ALS2: variants seen among roughly 807,000 people sequenced by gnomAD.
The protein encoded by ALS2 is alsin Rho guanine nucleotide exchange factor ALS2, also known as alsin.
ALS2 carries 117 observed loss-of-function variants against 203.4 expected under a neutral mutation model. That is an observed-to-expected ratio of 0.58 (90% confidence interval 0.50 to 0.67). ALS2 has a LOEUF of 0.67. Ranked by LOEUF, ALS2 falls within the 30% of genes least tolerant of loss-of-function variation. The pLI is 0.00. For missense variants in ALS2, 1,715 were observed against 1,989.4 expected (o/e 0.86, Z 2.62); for synonymous variants, 718 against 725.9 (o/e 0.99, Z 0.17).
At chr2:201,711,212 C>CT in intron 25 of ALS2, 104 bp from the exon 26 acceptor site, 2 of 780,678 alleles carry the variant, frequency 2.6e-6, no homozygotes, top group Non-Finnish European at 4.5e-6. Flanking sequence ...CAAAGTGGAG[C>CT]ATCCAACGTA....
chr2:201,756,409 G>A (rs994497190), intron 5 of ALS2, among the ~76,000 whole-genome samples: 1 of 152,056 alleles, frequency 6.6e-6, no homozygotes, highest in Non-Finnish European at 1.5e-5. Flanking sequence ...AGAGTGTTCA[G>A]TAAGTAGAAC....
At chr2:201,703,953 AC>A (rs1689537779) in intron 33 of ALS2, among the ~76,000 whole-genome samples, 168 bp downstream of exon 33, 1 of 152,238 alleles carries the variant, frequency 6.6e-6, no homozygotes, top group South Asian at 2.1e-4. Flanking sequence ...GGCTTATCCT[AC>A]TTTAATATAC....
chr2:201,705,162 T>C lies in ALS2; in HGVS notation c.4665A>G (p.Ala1555=). The C allele has an allele frequency of 6.2e-7, 1 of 1,614,130 alleles. No homozygotes were observed. Among genetic ancestry groups the C allele is most frequent in the Non-Finnish European group, 8.5e-7 (1 of 1,179,998 alleles). Residue 1555 remains alanine, a synonymous_variant, in exon 31 of 34, where the codon GCA becomes GCG. Transcript: ENST00000264276. ...PTTKDACFAS[A]VECLQQISTT... is the part of the protein sequence containing the mutation. Reference sequence around the variant, plus strand: ...ACCTGATCTGCTGCAGACATTCTACTGCTGAGGCAAAACAAGCATCTTTCG... The same window carrying C: ...ACCTGATCTGCTGCAGACATTCTACCGCTGAGGCAAAACAAGCATCTTTCG...
intron 10 of ALS2, among the ~76,000 whole-genome samples, chr2:201,742,124 G>A (rs756262777): frequency 6.6e-6 from 1 of 152,148 alleles, no homozygotes; most frequent in Non-Finnish European, 1.5e-5. Flanking sequence ...TGATTTTAAA[G>A]ATGAGCCAAA....
At chr2:201,723,259 A>T (rs1467859922) in intron 22 of ALS2, 71 bp downstream of exon 22, 4 of 1,434,668 alleles carry the variant, frequency 2.8e-6, no homozygotes, top group South Asian at 1.1e-5. Context: ...TAATCAAAAG[A>T]TGATTTAAAA....
chr2:201,768,755 C>T, intron 2 of ALS2, 111 bp downstream of exon 2: 2 of 1,051,652 alleles, frequency 1.9e-6, no homozygotes, highest in Non-Finnish European at 1.4e-6. Context: ...GTCACTATTC[C>T]CACTTAACAA....
At chr2:201,721,764 C>T (rs111805543) in intron 23 of ALS2, among the ~76,000 whole-genome samples, 2,529 of 152,170 alleles carry the variant, frequency 0.017, 75 homozygotes, top group African/African-American at 0.057. Flanking sequence ...CCCAGGTTCA[C>T]GCCATTCTCC....
At chr2:201,745,668 G>A (rs2106054170) in intron 9 of ALS2, among the ~76,000 whole-genome samples, 1 of 152,212 alleles carries the variant, frequency 6.6e-6, no homozygotes, top group South Asian at 2.1e-4. Context: ...TAAAATTAAG[G>A]CCAAACAAGG....
intron 19 of ALS2, 87 bp from the exon 20 acceptor site, chr2:201,725,541 A>G (rs974504761): frequency 4.5e-6 from 5 of 1,114,364 alleles, no homozygotes; most frequent in Non-Finnish European, 6.8e-6. Context: ...ACATTTTAAC[A>G]AGGAAGACAG....
intron 19 of ALS2, among the ~76,000 whole-genome samples, chr2:201,726,245 A>C (rs1334447290): frequency 6.6e-6 from 1 of 152,180 alleles, no homozygotes; most frequent in Non-Finnish European, 1.5e-5. Flanking sequence ...CCCCATTTTA[A>C]CAGATGGAAG....
At position 201,744,241 on chromosome 2, in the gene ALS2, AG is replaced by A. The variant is rs746926072; in HGVS notation, c.2170+16del. The A allele has an allele frequency of 2.3e-5, 37 of 1,609,244 alleles. No homozygotes were observed. Among genetic ancestry groups the A allele is most frequent in the Non-Finnish European group, 3.1e-5 (36 of 1,175,622 alleles). ...ACCTGATGGTTTAATGGTGGGAGAG[AG>A]GGGGTTGCAACTTACCTAAACTGAG... On this transcript the variant is annotated intron_variant, in intron 10 of 33. Transcript: ENST00000264276.
intron 25 of ALS2, among the ~76,000 whole-genome samples, chr2:201,711,749 GA>G (rs1690038425): frequency 6.6e-6 from 1 of 152,174 alleles, no homozygotes; most frequent in African/African-American, 2.4e-5. Flanking sequence ...ATGAGAAACT[GA>G]AAACTGTGCA....
At chr2:201,776,317 T>C (rs1024814625) in intron 1 of ALS2, among the ~76,000 whole-genome samples, 12 of 152,170 alleles carry the variant, frequency 7.9e-5, no homozygotes, top group African/African-American at 2.7e-4. Flanking sequence ...TGAAACTTAC[T>C]GAAACTACAC....
At chr2:201,721,698 C>T (rs914341815) in intron 23 of ALS2, among the ~76,000 whole-genome samples, 11 of 152,174 alleles carry the variant, frequency 7.2e-5, no homozygotes, top group African/African-American at 2.6e-4. Flanking sequence ...GAGTCTCGCT[C>T]TGTCACCCAG....
At chr2:201,745,764 C>A (rs1439070645) in intron 9 of ALS2, among the ~76,000 whole-genome samples, 2 of 152,052 alleles carry the variant, frequency 1.3e-5, no homozygotes, top group Non-Finnish European at 2.9e-5. Flanking sequence ...GCCTGACCAA[C>A]GTGGTGAAAC....
rs1217227317 is a variant in ALS2, at chr2:201,754,517, G to A, written c.1626C>T (p.Gly542=). 9.3e-6 allele frequency: 15 copies of A among 1,613,866 alleles called. No individual in the cohort carries two copies. The highest frequency in any genetic ancestry group is 1.0e-5 in the Non-Finnish European group (12 of 1,179,976). Residue 542 remains glycine, a synonymous_variant, in exon 6 of 34, where the codon GGC becomes GGT. Transcript: ENST00000264276. ...GTAGCGCTTACCTAGGCAGAACATC[G>A]CCGTGCCCCAGCTGCCCTTCCTTCC... ...GKGKEGQLGH[G]DVLPRLQPLC...
chr2:201,738,181 T>C (rs973903507), intron 12 of ALS2, among the ~76,000 whole-genome samples: 2 of 152,216 alleles, frequency 1.3e-5, no homozygotes, highest in Non-Finnish European at 2.9e-5. Context: ...TTTTAAAACC[T>C]TGGCTTTGTT....
At chr2:201,759,015 G>A (rs1053861242) in intron 4 of ALS2, among the ~76,000 whole-genome samples, 1 of 152,076 alleles carries the variant, frequency 6.6e-6, no homozygotes, top group African/African-American at 2.4e-5. Context: ...CAGCTCCCAC[G>A]ATAGCTTGTT....
intron 12 of ALS2, among the ~76,000 whole-genome samples, chr2:201,737,154 C>A (rs1440938564): frequency 1.3e-5 from 2 of 152,048 alleles, no homozygotes; most frequent in Non-Finnish European, 2.9e-5. Context: ...GTCACTAATC[C>A]CTAAACGATA....
Sources: gnomAD v4.1 joint callset for allele counts (sites outside exome capture counted in the v4.1 genomes callset) on GRCh38, gnomAD v4.1.1 for gene constraint, MANE v1.5 for transcripts, NCBI Gene and HGNC (gene_info 2026-07-23, HGNC 2026-07-21) for gene names.